The following FSHR variants were observed in gnomAD, a reference collection of about 807,000 sequenced individuals.
FSHR encodes the protein follicle stimulating hormone receptor.
A neutral mutation model predicts 52.1 loss-of-function variants in FSHR; 46 were observed. The ratio of observed to expected loss-of-function variants is 0.88; its 90% CI spans 0.70 to 1.13. FSHR has a LOEUF of 1.13. Ranked by LOEUF, FSHR falls within the 50% of genes most tolerant of loss-of-function variation. FSHR has a pLI of 0.00. For missense variants in FSHR, 964 were observed against 834.6 expected (o/e 1.16, Z -1.91); for synonymous variants, 399 against 309.6 (o/e 1.29, Z -3.03).
intron 1 of FSHR, among the ~76,000 whole-genome samples, chr2:49,148,586 T>C (rs773183449): frequency 5.9e-5 from 9 of 151,868 alleles, no homozygotes; most frequent in Non-Finnish European, 1.2e-4. Context: ...AAGACACACA[T>C]GAAAAATTAA....
chr2:49,086,292 A>C (rs1670389909), intron 1 of FSHR, among the ~76,000 whole-genome samples: 1 of 152,158 alleles, frequency 6.6e-6, no homozygotes. Context: ...AGTTCATCTA[A>C]AATTGCAGAT....
At chr2:49,054,035 C>A (rs11686860) in intron 2 of FSHR, among the ~76,000 whole-genome samples, 63,355 of 152,018 alleles carry the variant, frequency 0.42, 14,268 homozygotes, top group Non-Finnish European at 0.5. Context: ...CAGCATCTCC[C>A]CAGATTAGTC....
chr2:49,122,916 A>G (rs549072511), intron 1 of FSHR, among the ~76,000 whole-genome samples: 1 of 152,174 alleles, frequency 6.6e-6, no homozygotes, highest in Non-Finnish European at 1.5e-5. Flanking sequence ...TCTTATGGTT[A>G]TGAAGATATA....
chr2:48,980,586 T>C (rs993502030), intron 8 of FSHR, among the ~76,000 whole-genome samples: 1 of 152,216 alleles, frequency 6.6e-6, no homozygotes, highest in African/African-American at 2.4e-5. Context: ...CTGGTGTTCT[T>C]AGGCTGGGAG....
At chr2:49,153,759 C>T (rs1206147643) in intron 1 of FSHR, among the ~76,000 whole-genome samples, 1 of 152,040 alleles carries the variant, frequency 6.6e-6, no homozygotes, top group Non-Finnish European at 1.5e-5. Context: ...TCTCTACCAC[C>T]TCCTTTTTAC....
chr2:49,070,789 T>G (rs926842781), intron 1 of FSHR, among the ~76,000 whole-genome samples: 1 of 152,164 alleles, frequency 6.6e-6, no homozygotes, highest in Non-Finnish European at 1.5e-5. Context: ...TGAAATGTTA[T>G]AAACAAGATA....
At chr2:49,140,601 G>C (rs981924242) in intron 1 of FSHR, among the ~76,000 whole-genome samples, 14 of 152,034 alleles carry the variant, frequency 9.2e-5, no homozygotes, top group African/African-American at 3.4e-4. Flanking sequence ...TCTAGAGGCT[G>C]AGGCAGGAGA....
At chr2:49,131,752 A>G (rs1011445063) in intron 1 of FSHR, among the ~76,000 whole-genome samples, 12 of 152,238 alleles carry the variant, frequency 7.9e-5, no homozygotes, top group African/African-American at 2.9e-4. Flanking sequence ...TATTTCCTTC[A>G]GGAACAAGAA....
chr2:49,009,842 G>T (rs1273770407), intron 4 of FSHR, among the ~76,000 whole-genome samples: 4 of 99,154 alleles, frequency 4.0e-5, no homozygotes, highest in Non-Finnish European at 1.0e-4. Context: ...TGTTGCTGGT[G>T]TATAAGAATG....
intron 1 of FSHR, among the ~76,000 whole-genome samples, chr2:49,069,266 C>T (rs956686424): frequency 4.6e-5 from 7 of 152,112 alleles, no homozygotes; most frequent in African/African-American, 1.4e-4. Context: ...TCGGACAAGC[C>T]AGGTTCCTTC....
chr2:49,062,387 A>G lies in FSHR; in HGVS notation c.224+5832T>C, dbSNP rs890199185. On this transcript the variant is annotated intron_variant, in intron 2 of 9. Transcript: ENST00000406846. ...ATGCAGAAAAGGAAACTGGATATCTATATTTCACCATATACAAAAGTCAAC... is the reference window on the plus strand; with the variant it reads ...ATGCAGAAAAGGAAACTGGATATCTGTATTTCACCATATACAAAAGTCAAC... 2.6e-5 allele frequency among the ~76,000 whole-genome samples: 4 copies of G among 152,128 alleles called. No individual in the cohort carries two copies. The East Asian group carries it at 5.8e-4, about 22-fold the overall frequency.
In FSHR at chr2:49,088,482, C is replaced by T. The variant is rs1020205695; in HGVS notation, c.153-20192G>A. On this transcript the variant is annotated intron_variant, in intron 1 of 9. Transcript: ENST00000406846. ...TTTTGTTACTCTAGATTCTGCACCC[C>T]GGTTGGGATAATTCAGTGATGCCCT... 3.3e-5 allele frequency among the ~76,000 whole-genome samples: 5 copies of T among 152,244 alleles called. No individual in the cohort carries two copies. In the East Asian group the frequency reaches 5.8e-4, roughly 18 times the overall value.
chr2:49,126,078 A>G (rs1217304815), intron 1 of FSHR, among the ~76,000 whole-genome samples: 2 of 152,254 alleles, frequency 1.3e-5, no homozygotes, highest in Non-Finnish European at 2.9e-5. Context: ...ATCACAAATG[A>G]CAAAGCAGTA....
At chr2:49,052,093 A>G (rs775185678) in intron 2 of FSHR, among the ~76,000 whole-genome samples, 13 of 152,210 alleles carry the variant, frequency 8.5e-5, no homozygotes, top group Non-Finnish European at 1.6e-4. Context: ...TAATATTGCT[A>G]CAAATATAGA....
chr2:49,080,410 TA>T (rs1449180274), intron 1 of FSHR, among the ~76,000 whole-genome samples: 1 of 152,178 alleles, frequency 6.6e-6, no homozygotes, highest in East Asian at 1.9e-4. Flanking sequence ...GCATCATTAC[TA>T]AACCAAAAAA....
At chr2:48,988,902 C>T (rs761672507) in intron 6 of FSHR, 75 bp downstream of exon 6, 1 of 1,232,418 alleles carries the variant, frequency 8.1e-7, no homozygotes, top group Non-Finnish European at 1.2e-6. Flanking sequence ...AAAAAAGGAG[C>T]ATCCAATTAT....
intron 8 of FSHR, among the ~76,000 whole-genome samples, chr2:48,970,951 G>T (rs750001040): frequency 6.6e-6 from 1 of 152,016 alleles, no homozygotes; most frequent in African/African-American, 2.4e-5. Flanking sequence ...CTGTGACTTT[G>T]GTCTAAGTCA....
intron 2 of FSHR, among the ~76,000 whole-genome samples, chr2:49,025,153 C>T (rs1452296898): frequency 1.3e-5 from 2 of 152,156 alleles, no homozygotes; most frequent in African/African-American, 4.8e-5. Context: ...TGTGTATTCG[C>T]ACAGGAGGGA....
chr2:49,132,125 A>C (rs1456798611), intron 1 of FSHR, among the ~76,000 whole-genome samples: 7 of 152,120 alleles, frequency 4.6e-5, no homozygotes, highest in Admixed American at 1.3e-4. Flanking sequence ...TACACTGTTT[A>C]AGTGTTTAGT....
Sources: gnomAD v4.1 joint callset for allele counts (sites outside exome capture counted in the v4.1 genomes callset) on GRCh38, gnomAD v4.1.1 for gene constraint, MANE v1.5 for transcripts, NCBI Gene and HGNC (gene_info 2026-07-23, HGNC 2026-07-21) for gene names.